The following KCNH7 variants were observed in gnomAD, a reference collection of about 807,000 sequenced individuals.
KCNH7 encodes the protein potassium voltage-gated channel subfamily H member 7.
Under a neutral mutation model 120.8 loss-of-function variants are expected in KCNH7, and 49 were observed. That is an observed-to-expected ratio of 0.41 (90% CI 0.32 to 0.51). The LOEUF (loss-of-function observed/expected upper bound fraction) is 0.51. KCNH7 is among the 20% of genes least tolerant of loss of function. KCNH7 has a pLI of 0.38. For missense variants in KCNH7, 1,097 were observed against 1,446.6 expected (o/e 0.76, Z 3.92); for synonymous variants, 547 against 516.1 (o/e 1.06, Z -0.81).
chr2:162,583,582 A>G (rs1437398292), intron 2 of KCNH7, among the ~76,000 whole-genome samples: 1 of 152,102 alleles, frequency 6.6e-6, no homozygotes, highest in Non-Finnish European at 1.5e-5. Flanking sequence ...TCCAGTGCTG[A>G]CCTATAATAA....
chr2:162,817,038 G>T (rs185302247), intron 2 of KCNH7, among the ~76,000 whole-genome samples: 22 of 152,122 alleles, frequency 1.4e-4, no homozygotes, highest in Admixed American at 6.5e-4. Context: ...GGTTATAGAA[G>T]AAAAAATCTG....
In KCNH7 at chr2:162,621,483, A is replaced by G. The variant is rs1255698817; in HGVS notation, c.308-84403T>C. On this transcript the variant is annotated intron_variant, in intron 2 of 15. Transcript: ENST00000332142. Reference sequence around the variant, plus strand: ...ACCTTTTAACAGATATTGTAATCCTATAAGTACTTCTCTGGGGTTTTGAAA... The same window carrying G: ...ACCTTTTAACAGATATTGTAATCCTGTAAGTACTTCTCTGGGGTTTTGAAA... Among the ~76,000 whole-genome samples, 6 of 152,136 alleles carry G rather than the reference A, an allele frequency of 3.9e-5. No homozygotes were observed. The East Asian group carries it at 5.8e-4, about 15-fold the overall frequency.
At chr2:162,386,076 A>G (rs1424328273) in intron 12 of KCNH7, among the ~76,000 whole-genome samples, 2 of 151,772 alleles carry the variant, frequency 1.3e-5, no homozygotes. Context: ...CAGATTGCTT[A>G]TTTTCTTTAA....
chr2:162,463,088 G>A (rs530677906), intron 6 of KCNH7, among the ~76,000 whole-genome samples: 12 of 151,964 alleles, frequency 7.9e-5, no homozygotes, highest in African/African-American at 1.7e-4. Flanking sequence ...TGTAAAACCC[G>A]ACTCTAACCA....
chr2:162,418,392 T>TA (rs1230480323), intron 9 of KCNH7, among the ~76,000 whole-genome samples: 11 of 152,210 alleles, frequency 7.2e-5, no homozygotes, highest in East Asian at 1.9e-4. Context: ...CTTCAGTAGA[T>TA]AAAAAATCAT....
chr2:162,553,649 A>G (rs1392460881), intron 2 of KCNH7, among the ~76,000 whole-genome samples: 4 of 152,164 alleles, frequency 2.6e-5, no homozygotes, highest in African/African-American at 9.6e-5. Flanking sequence ...ACTGTCTCAA[A>G]AAAAGAAAAG....
chr2:162,636,847 A>C lies in KCNH7; in HGVS notation c.308-99767T>G, dbSNP rs567428662. On this transcript the variant is annotated intron_variant, in intron 2 of 15. Coordinates refer to ENST00000332142, the MANE Select transcript of KCNH7 (RefSeq NM_033272.4). ...TTGCTCTGCAAGGCTAGCCTGATACATTTTACTGAGTAATAGATCTTGCTT... is the reference window on the plus strand; with the variant it reads ...TTGCTCTGCAAGGCTAGCCTGATACCTTTTACTGAGTAATAGATCTTGCTT... Among the ~76,000 whole-genome samples, 24 of 152,160 alleles carry C rather than the reference A, an allele frequency of 1.6e-4. No individual in the cohort carries two copies. In the South Asian group the frequency reaches 2.9e-3, roughly 18 times the overall value.
intron 2 of KCNH7, among the ~76,000 whole-genome samples, chr2:162,782,160 C>T (rs1683519758): frequency 6.6e-6 from 1 of 152,128 alleles, no homozygotes; most frequent in Non-Finnish European, 1.5e-5. Context: ...CCCTCATATG[C>T]CATACATGGC....
At chr2:162,570,536 A>G (rs901072228) in intron 2 of KCNH7, among the ~76,000 whole-genome samples, 1 of 151,898 alleles carries the variant, frequency 6.6e-6, no homozygotes, top group Non-Finnish European at 1.5e-5. Context: ...TTATATTTAA[A>G]GTTAATATTG....
At chr2:162,637,272 C>A (rs1463362071) in intron 2 of KCNH7, among the ~76,000 whole-genome samples, 1 of 151,972 alleles carries the variant, frequency 6.6e-6, no homozygotes, top group African/African-American at 2.4e-5. Flanking sequence ...TTCTTCTTTC[C>A]TTTGCCAGGG....
chr2:162,557,383 G>C (rs986683377), intron 2 of KCNH7, among the ~76,000 whole-genome samples: 7 of 152,160 alleles, frequency 4.6e-5, no homozygotes, highest in African/African-American at 1.7e-4. Context: ...GGCCAATTAA[G>C]GTTGAAGCTT....
At chr2:162,452,160 GAGA>G (rs1355234817) in intron 6 of KCNH7, among the ~76,000 whole-genome samples, 2 of 152,020 alleles carry the variant, frequency 1.3e-5, no homozygotes, top group African/African-American at 4.8e-5. Context: ...AGAGTTGGGG[GAGA>G]AGAAGGAGAG....
chr2:162,644,158 G>C (rs1030613137), intron 2 of KCNH7, among the ~76,000 whole-genome samples: 4 of 150,848 alleles, frequency 2.7e-5, no homozygotes, highest in African/African-American at 9.7e-5. Flanking sequence ...AAATGGACTT[G>C]AGGAAAAGAC....
intron 2 of KCNH7, among the ~76,000 whole-genome samples, chr2:162,725,183 C>T (rs552564270): frequency 5.9e-5 from 9 of 152,190 alleles, no homozygotes; most frequent in East Asian, 1.9e-4. Context: ...ATTTGTTATT[C>T]GTAATACTCA....
intron 3 of KCNH7, among the ~76,000 whole-genome samples, chr2:162,518,810 G>GTT (rs781395597): frequency 1.5e-4 from 18 of 119,432 alleles, no homozygotes; most frequent in East Asian, 7.4e-4. Context: ...CCTGTTTTCT[G>GTT]TTTTTTTTTT....
intron 13 of KCNH7, among the ~76,000 whole-genome samples, chr2:162,384,343 A>T (rs1686511962): frequency 1.3e-5 from 2 of 151,860 alleles, no homozygotes; most frequent in African/African-American, 4.8e-5. Context: ...TACATAAGAT[A>T]CATATAAAGA....
intron 2 of KCNH7, among the ~76,000 whole-genome samples, chr2:162,820,605 C>T (rs1422302583): frequency 6.6e-6 from 1 of 152,146 alleles, no homozygotes; most frequent in Non-Finnish European, 1.5e-5. Flanking sequence ...TATATAGTGG[C>T]TAACTTGTGT....
intron 2 of KCNH7, among the ~76,000 whole-genome samples, chr2:162,695,539 A>T (rs939739754): frequency 3.9e-5 from 6 of 152,186 alleles, no homozygotes; most frequent in Admixed American, 6.5e-5. Context: ...CTCTGTGCTG[A>T]GGAAAGTCAC....
chr2:162,752,308 A>T (rs1041405027), intron 2 of KCNH7, among the ~76,000 whole-genome samples: 2 of 152,196 alleles, frequency 1.3e-5, no homozygotes, highest in Non-Finnish European at 2.9e-5. Flanking sequence ...CCAATAGAAA[A>T]TAAACATAGC....
Sources: allele counts gnomAD v4.1 joint callset (sites outside exome capture counted in the v4.1 genomes callset), GRCh38; gene constraint gnomAD v4.1.1; transcripts MANE v1.5; gene names NCBI Gene and HGNC (gene_info 2026-07-23, HGNC 2026-07-21).